BCAM: variants seen among roughly 807,000 people sequenced by gnomAD.
The protein encoded by BCAM is basal cell adhesion molecule (Lutheran blood group).
In BCAM, 61 loss-of-function variants were observed where a neutral mutation model predicts 72.4. The observed-to-expected ratio is 0.84, with a 90% CI of 0.69 to 1.04. The LOEUF (loss-of-function observed/expected upper bound fraction) is 1.04. Ranked by LOEUF, BCAM falls within the 50% of genes least tolerant of loss-of-function variation. The probability of loss-of-function intolerance (pLI) is 0.00; values close to 1 mark genes in which losing one functional copy is unlikely to be tolerated. For synonymous variants in BCAM, 408 were observed against 384.2 expected (o/e 1.06, Z -0.73); for missense variants, 909 against 895.0 (o/e 1.02, Z -0.20).
rs1258353573 is a variant in BCAM at position 44,814,110 on chromosome 19, C to T, written c.785-42C>T. 6.5e-7 allele frequency: 1 copy of T among 1,548,560 alleles called. No homozygotes were observed. The highest frequency in any genetic ancestry group is 1.4e-5 in the African/African-American group (1 of 73,356). ...TCTCGCCTGTCCTCTAGCCTTGACC[C>T]TTCCCCTGATCACAATTCCCATCTC... On this transcript the variant is annotated intron_variant, in intron 6 of 14. Transcript: ENST00000270233. The surrounding 1 kb of genome is among the most constrained non-coding windows in gnomAD (Gnocchi z 4.6).
intron 13 of BCAM, chr19:44,820,281 C>T: frequency 9.8e-7 from 1 of 1,016,402 alleles, no homozygotes; most frequent in Non-Finnish European, 1.2e-6. Flanking sequence ...ATTTCCCAAC[C>T]CTAGTCCTCC....
intron 8 of BCAM, among the ~76,000 whole-genome samples, chr19:44,817,822 G>A (rs1390468703): frequency 1.3e-5 from 2 of 152,202 alleles, no homozygotes; most frequent in Non-Finnish European, 2.9e-5. Flanking sequence ...GGGGTTATAG[G>A]CATGAGCCAC....
Position 44,812,498 on chromosome 19 carries a change from G to GGACAC in BCAM, c.454_455insGACAC (p.Val152GlyfsTer12). 6.2e-7 allele frequency: 1 copy of GGACAC among 1,614,240 alleles called. No individual in the cohort carries two copies. The highest frequency in any genetic ancestry group is 8.5e-7 in the Non-Finnish European group (1 of 1,180,042). ...CACAGCAAAGCCAGAGGCCACTGAG[G>GGACAC]TCTCCCCCAACAAAGGGACACTGTC... is the stretch of plus-strand genomic sequence containing the variant. On this transcript the variant is annotated frameshift_variant, in exon 4 of 15. Transcript: ENST00000270233. LOFTEE classifies it high-confidence loss of function. This position sits in a 1 kb window ranked among gnomAD's most constrained non-coding sequence, Gnocchi z 5.3.
rs1049834434 is a variant in BCAM, at chr19:44,820,991, C to T, written c.*70C>T. ...CATCAGAGAACCAGCCCTGCTCACG[C>T]CATGCCCGCCCCCGCCTTCCCTCTT... On this transcript the variant is annotated 3_prime_UTR_variant, in exon 15 of 15. Coordinates refer to ENST00000270233, the MANE Select transcript of BCAM (RefSeq NM_005581.5). 4 of 1,465,574 alleles carry T rather than the reference C, an allele frequency of 2.7e-6. No individual in the cohort carries two copies. Among genetic ancestry groups the T allele is most frequent in the East Asian group, 2.7e-5 (1 of 36,538 alleles). 90.8% of individuals were successfully genotyped at this position (1,465,574 alleles called of 1,614,324 possible). A position where few individuals can be genotyped will look rare whatever the true frequency, so the allele number is the denominator to read the frequency against.
At position 44,814,504 on chromosome 19, in the gene BCAM, T is replaced by G; in HGVS notation, c.922-100T>G. 6.7e-7 allele frequency: 1 copy of G among 1,497,796 alleles called. No individual in the cohort carries two copies. The highest frequency in any genetic ancestry group is 9.0e-7 in the Non-Finnish European group (1 of 1,112,188). The allele number at this position is 1,497,796 out of a possible 1,614,324, so 92.8% of individuals were successfully genotyped here. A position where few individuals can be genotyped will look rare whatever the true frequency, so the allele number is the denominator to read the frequency against. On this transcript the variant is annotated intron_variant, in intron 7 of 14. Transcript: ENST00000270233. The surrounding 1 kb of genome is among the most constrained non-coding windows in gnomAD (Gnocchi z 4.6). ...GACTTGATGGCCCCTGACCCCTGAT[T>G]CTGGCTTAGCATGACACTAACCTGG...
intron 8 of BCAM, among the ~76,000 whole-genome samples, chr19:44,815,696 T>G (rs1968495632): frequency 6.6e-6 from 1 of 152,108 alleles, no homozygotes; most frequent in Non-Finnish European, 1.5e-5. Context: ...AGGTGAGAAG[T>G]TGGACTGAAG....
In BCAM at chr19:44,819,483, C is replaced by T. The variant is rs773358407; in HGVS notation, c.1611C>T (p.Phe537=). ...GGAACAAGCGCCATGTCTTCCACTT[C>T]GGCACCGGTGAGTGACTGAGGTGGT... The part of the protein sequence containing the change: ...PHGNKRHVFH[F]GTVSPQTSQA... The change falls in exon 12 of 15, where the codon TTC becomes TTT. Residue 537 remains phenylalanine (F), a synonymous_variant. Transcript: ENST00000270233. 5.6e-6 allele frequency: 9 copies of T among 1,613,842 alleles called. No homozygotes were observed. The highest frequency in any genetic ancestry group is 5.0e-5 in the Admixed American group (3 of 59,994).
chr19:44,813,053 T>A lies in BCAM; in HGVS notation c.505-197T>A. 1.7e-6 allele frequency: 1 copy of A among 601,768 alleles called. No homozygotes were observed. Among genetic ancestry groups the A allele is most frequent in the Non-Finnish European group, 2.9e-6 (1 of 347,414 alleles). The allele number at this position is 601,768 out of a possible 1,614,324, so 37.3% of individuals were successfully genotyped here. A position where few individuals can be genotyped will look rare whatever the true frequency, so the allele number is the denominator to read the frequency against. ...AGAGAGCTGGGGGACCCAGAATCCT[T>A]GGTCCCTGGAGGATGGTGCTGGAGG... On this transcript the variant is annotated intron_variant, in intron 4 of 14. Coordinates refer to ENST00000270233, the MANE Select transcript of BCAM (RefSeq NM_005581.5). The surrounding 1 kb of genome is among the most constrained non-coding windows in gnomAD (Gnocchi z 4.2).
At position 44,814,651 on chromosome 19, in the gene BCAM, C is replaced by T. The variant is rs367891212; in HGVS notation, c.969C>T (p.Thr323=). ...ATGTGAATCTCGAGGGGAACTTGAC[C>T]CTGGAGGGAGTGACCCGGGGCCAGA... ...VLNVNLEGNL[T]LEGVTRGQSG... is the part of the protein sequence containing the mutation. Residue 323 remains threonine (T), a synonymous_variant, in exon 8 of 15, where the codon ACC becomes ACT. Transcript: ENST00000270233. The surrounding 1 kb of genome is among the most constrained non-coding windows in gnomAD (Gnocchi z 4.6). The T allele has an allele frequency of 1.3e-5, 21 of 1,613,980 alleles. No individual in the cohort carries two copies. The African/African-American group carries it at 2.3e-4, about 17-fold the overall frequency.
rs1968481010 is a variant in BCAM, at chr19:44,814,756, G to A, written c.1074G>A (p.Val358=). The A allele has an allele frequency of 6.2e-7, 1 of 1,609,924 alleles. No individual in the cohort carries two copies. Among genetic ancestry groups the A allele is most frequent in the South Asian group, 1.1e-5 (1 of 90,926 alleles). ...VQLSKTLELR[V]AYLDPLELSE... is the part of the protein sequence containing the mutation. ...TCTCCAAGACGCTGGAGCTGCGCGT[G>A]GCCTGTGAGAGCCCTGGGTGAACGG... The change falls in exon 8 of 15, where the codon GTG becomes GTA. Residue 358 remains valine (V), a synonymous_variant. Transcript: ENST00000270233. This position sits in a 1 kb window ranked among gnomAD's most constrained non-coding sequence, Gnocchi z 4.6.
chr19:44,815,317 C>A (rs1362341218), intron 8 of BCAM, among the ~76,000 whole-genome samples: 1 of 152,164 alleles, frequency 6.6e-6, no homozygotes, highest in Non-Finnish European at 1.5e-5. Context: ...ATTTTCAGTT[C>A]ATTCGCATCC....
chr19:44,820,970 A>C lies in BCAM; in HGVS notation c.*49A>C. On this transcript the variant is annotated 3_prime_UTR_variant, in exon 15 of 15. Coordinates refer to ENST00000270233, the MANE Select transcript of BCAM (RefSeq NM_005581.5). ...CCCTGGACCTGGAGCTGCAGGCATC[A>C]GAGAACCAGCCCTGCTCACGCCATG... The C allele has an allele frequency of 6.5e-7, 1 of 1,529,992 alleles. No homozygotes were observed. Among genetic ancestry groups the C allele is most frequent in the Non-Finnish European group, 8.8e-7 (1 of 1,138,496 alleles). The allele number at this position is 1,529,992 out of a possible 1,614,324, so 94.8% of individuals were successfully genotyped here.
chr19:44,811,525 C>A, intron 2 of BCAM, 179 bp downstream of exon 2: 2 of 1,007,694 alleles, frequency 2.0e-6, no homozygotes, highest in Non-Finnish European at 2.9e-6. Context: ...CTAGGCACAG[C>A]CAAGTCTAGA....
In BCAM at chr19:44,819,346, C is replaced by T. The variant is rs200226990; in HGVS notation, c.1474C>T (p.Pro492Ser). The T allele has an allele frequency of 1.2e-6, 2 of 1,614,078 alleles. No homozygotes were observed. Among genetic ancestry groups the T allele is most frequent in the African/African-American group, 1.3e-5 (1 of 75,046 alleles). The change falls in exon 12 of 15, where the codon CCC (proline) becomes TCC (serine). Residue 492 changes from proline (P) to serine (S), a missense_variant and splice_region_variant. Transcript: ENST00000270233. ...KLSWSQLGGS[P>S]AEPIPGRQGW... The stretch of plus-strand genomic sequence containing the variant: ...CGGGGCCTGATCGGAGCCTCCATAG[C>T]CCGCAGAGCCAATCCCCGGACGGCA...
chr19:44,816,591 C>A (rs1046488157), intron 8 of BCAM, among the ~76,000 whole-genome samples: 6 of 152,048 alleles, frequency 3.9e-5, no homozygotes, highest in Admixed American at 2.6e-4. Context: ...TGGGTGTCCA[C>A]AATAGGGGAG....
At chr19:44,817,850 G>A (rs1968523157) in intron 8 of BCAM, among the ~76,000 whole-genome samples, 1 of 152,140 alleles carries the variant, frequency 6.6e-6, no homozygotes, top group Non-Finnish European at 1.5e-5. Flanking sequence ...GGCCTGACCA[G>A]TGGATGTTTT....
chr19:44,818,594 G>A lies in BCAM; in HGVS notation c.1151G>A (p.Cys384Tyr), dbSNP rs1425347149. The A allele has an allele frequency of 1.9e-6, 3 of 1,614,032 alleles. No homozygotes were observed. The highest frequency in any genetic ancestry group is 1.7e-5 in the Admixed American group (1 of 59,988). Residue 384 changes from cysteine to tyrosine, a missense_variant, in exon 9 of 15, where the codon TGC becomes TAC. Transcript: ENST00000270233. This position sits in a 1 kb window ranked among gnomAD's most constrained non-coding sequence, Gnocchi z 4.6. ...LPLNSSAVVN[C>Y]SVHGLPTPAL... ...CTAAACAGCAGTGCAGTCGTGAACT[G>A]CTCCGTGCACGGCCTGCCCACCCCT...
Position 44,820,999 on chromosome 19 carries a change from G to C in BCAM, c.*78G>C. 2 of 1,431,920 alleles carry C rather than the reference G, an allele frequency of 1.4e-6. No individual in the cohort carries two copies. The highest frequency in any genetic ancestry group is 1.8e-6 in the Non-Finnish European group (2 of 1,085,556). 88.7% of individuals were successfully genotyped at this position (1,431,920 alleles called of 1,614,324 possible). ...AACCAGCCCTGCTCACGCCATGCCC[G>C]CCCCCGCCTTCCCTCTTCCCTCTTC... On this transcript the variant is annotated 3_prime_UTR_variant, in exon 15 of 15. Coordinates refer to ENST00000270233, the MANE Select transcript of BCAM (RefSeq NM_005581.5).
Position 44,821,077 on chromosome 19 carries a change from A to C in BCAM, c.*156A>C. On this transcript the variant is annotated 3_prime_UTR_variant, in exon 15 of 15. Transcript: ENST00000270233. Reference sequence around the variant, plus strand: ...TCCTCTGCCGGCAAGGCAGGGACCCACAGTGGCTGCCTGCCTCCGGGAGGG... The same window carrying C: ...TCCTCTGCCGGCAAGGCAGGGACCCCCAGTGGCTGCCTGCCTCCGGGAGGG... The C allele has an allele frequency of 2.7e-5, 20 of 751,610 alleles. No homozygotes were observed. Among genetic ancestry groups the C allele is most frequent in the East Asian group, 6.4e-5 (1 of 15,582 alleles). The allele number at this position is 751,610 out of a possible 1,614,324, so 46.6% of individuals were successfully genotyped here.
Sources: gnomAD v4.1 joint callset for allele counts (sites outside exome capture counted in the v4.1 genomes callset) on GRCh38, gnomAD v4.1.1 for gene constraint, Gnocchi (gnomAD v3.1) non-coding constraint, MANE v1.5 for transcripts, NCBI Gene and HGNC (gene_info 2026-07-23, HGNC 2026-07-21) for gene names.